The following FNDC3A variants were observed in gnomAD, a reference collection of about 807,000 sequenced individuals.
FNDC3A encodes the protein fibronectin type-III domain-containing protein 3A.
A neutral mutation model predicts 148.9 loss-of-function variants in FNDC3A; 32 were observed. The ratio of observed to expected loss-of-function variants is 0.21; its 90% CI spans 0.16 to 0.29. The LOEUF (loss-of-function observed/expected upper bound fraction) is 0.29. FNDC3A is among the 10% of genes least tolerant of loss of function. The pLI is 1.00. For synonymous variants in FNDC3A, 472 were observed against 473.6 expected (o/e 1.00, Z 0.04); for missense variants, 1,191 against 1,452.8 (o/e 0.82, Z 2.93).
chr13:49,118,474 T>C, intron 4 of FNDC3A, among the ~76,000 whole-genome samples: 1 of 152,142 alleles, frequency 6.6e-6, no homozygotes, highest in East Asian at 1.9e-4. Context: ...TTTTTCATAT[T>C]CCAGTGGCTC....
intron 13 of FNDC3A, among the ~76,000 whole-genome samples, chr13:49,177,720 A>G (rs967612806): frequency 1.3e-5 from 2 of 152,232 alleles, no homozygotes; most frequent in African/African-American, 2.4e-5. Flanking sequence ...GTACCAGTAT[A>G]TGCCACAACC....
chr13:49,201,877 G>GT lies in FNDC3A; in HGVS notation c.3066dup (p.Ile1023TyrfsTer5). The stretch of plus-strand genomic sequence containing the variant: ...AATGAGTCAACATCCTATAAATTCT[G>GT]TATTCAAGCTTGTAATGAAGCTGGG... On this transcript the variant is annotated frameshift_variant, in exon 24 of 26. Coordinates refer to ENST00000492622, the MANE Select transcript of FNDC3A (RefSeq NM_001079673.2). LOFTEE classifies it high-confidence loss of function. 1 of 1,594,016 alleles carries GT rather than the reference G, an allele frequency of 6.3e-7. No individual in the cohort carries two copies. The highest frequency in any genetic ancestry group is 1.7e-5 in the Admixed American group (1 of 58,054).
intron 2 of FNDC3A, among the ~76,000 whole-genome samples, chr13:49,051,659 ATCT>A (rs1453497821): frequency 1.3e-5 from 2 of 152,118 alleles, no homozygotes; most frequent in Non-Finnish European, 2.9e-5. Context: ...TTAGACGATA[ATCT>A]TTTTGTGATG....
At chr13:49,145,367 A>G (rs1213413278) in intron 7 of FNDC3A, among the ~76,000 whole-genome samples, 1 of 152,124 alleles carries the variant, frequency 6.6e-6, no homozygotes, top group Non-Finnish European at 1.5e-5. Flanking sequence ...ACATCATTTT[A>G]TATGTTGTCC....
intron 3 of FNDC3A, among the ~76,000 whole-genome samples, chr13:49,084,821 T>C (rs1014364066): frequency 6.6e-6 from 1 of 152,122 alleles, no homozygotes; most frequent in Non-Finnish European, 1.5e-5. Flanking sequence ...TTATTGATGT[T>C]TTCTCCTCGT....
At chr13:48,977,128 G>A (rs1951618241) in intron 1 of FNDC3A, among the ~76,000 whole-genome samples, 1 of 152,078 alleles carries the variant, frequency 6.6e-6, no homozygotes, top group Non-Finnish European at 1.5e-5. Flanking sequence ...AAGTTCCTTT[G>A]GACACCTTTG....
intron 2 of FNDC3A, among the ~76,000 whole-genome samples, chr13:49,057,633 A>G (rs944963035): frequency 2.0e-5 from 3 of 152,190 alleles, no homozygotes; most frequent in African/African-American, 4.8e-5. Context: ...GCACACTAAC[A>G]TGTTCTAATA....
intron 3 of FNDC3A, among the ~76,000 whole-genome samples, chr13:49,086,997 G>A (rs1259372812): frequency 6.6e-6 from 1 of 152,026 alleles, no homozygotes; most frequent in Non-Finnish European, 1.5e-5. Flanking sequence ...GTCCCAGAGA[G>A]CTATTAAATG....
intron 2 of FNDC3A, among the ~76,000 whole-genome samples, chr13:49,052,856 A>G (rs1311976438): frequency 6.6e-6 from 1 of 152,112 alleles, no homozygotes; most frequent in Non-Finnish European, 1.5e-5. Flanking sequence ...AGGGATAGGT[A>G]TGTCCGAGCT....
At chr13:49,144,083 C>G (rs1195605521) in intron 7 of FNDC3A, among the ~76,000 whole-genome samples, 1 of 151,492 alleles carries the variant, frequency 6.6e-6, no homozygotes, top group African/African-American at 2.4e-5. Flanking sequence ...TTTTGACTGA[C>G]CCACCTTCAT....
intron 4 of FNDC3A, among the ~76,000 whole-genome samples, chr13:49,127,934 T>C (rs1881799140): frequency 6.6e-6 from 1 of 151,990 alleles, no homozygotes; most frequent in Non-Finnish European, 1.5e-5. Context: ...CAGGCTGGAG[T>C]GCAGCAGCAC....
At chr13:49,153,011 TA>T (rs1297570832) in intron 8 of FNDC3A, among the ~76,000 whole-genome samples, 26 of 151,140 alleles carry the variant, frequency 1.7e-4, no homozygotes, top group Admixed American at 1.6e-3. Context: ...CAGCATGATT[TA>T]TAGTCCTTTG....
At chr13:49,114,875 ATT>A (rs1205554095) in intron 4 of FNDC3A, 144 bp downstream of exon 4, 1 of 655,294 alleles carries the variant, frequency 1.5e-6, no homozygotes, top group Non-Finnish European at 2.7e-6. Flanking sequence ...TATTTCAAGT[ATT>A]TTAGTACATT....
chr13:49,063,570 G>T (rs1419126462), intron 2 of FNDC3A, among the ~76,000 whole-genome samples: 1 of 152,062 alleles, frequency 6.6e-6, no homozygotes, highest in East Asian at 1.9e-4. Context: ...TTGTTTCCAA[G>T]AAATTACATT....
intron 1 of FNDC3A, among the ~76,000 whole-genome samples, chr13:48,984,059 T>C (rs528662171): frequency 1.7e-3 from 260 of 152,230 alleles, no homozygotes; most frequent in African/African-American, 6.1e-3. Context: ...AGTTAGAAAA[T>C]TCATTAGCCT....
chr13:49,151,573 TG>T (rs1169507228), intron 8 of FNDC3A, among the ~76,000 whole-genome samples: 2 of 152,166 alleles, frequency 1.3e-5, no homozygotes, highest in East Asian at 1.9e-4. Context: ...TGTTTCTTTT[TG>T]TTTTTTTTAT....
chr13:49,110,228 C>G, intron 3 of FNDC3A: 1 of 749,056 alleles, frequency 1.3e-6, no homozygotes, highest in Non-Finnish European at 2.0e-6. Context: ...CTTGCCCTTT[C>G]CTGGGTCACT....
chr13:49,072,116 C>T (rs1877734586), intron 2 of FNDC3A, among the ~76,000 whole-genome samples: 1 of 152,008 alleles, frequency 6.6e-6, no homozygotes, highest in South Asian at 2.1e-4. Flanking sequence ...TAGTATTTTC[C>T]CAATGTTTTT....
At chr13:49,018,075 G>A (rs1196088765) in intron 2 of FNDC3A, among the ~76,000 whole-genome samples, 2 of 151,308 alleles carry the variant, frequency 1.3e-5, no homozygotes, top group African/African-American at 2.4e-5. Context: ...TGACAATTAT[G>A]TGTCTTGGAG....
Sources: allele counts gnomAD v4.1 joint callset (sites outside exome capture counted in the v4.1 genomes callset), GRCh38; gene constraint gnomAD v4.1.1; transcripts MANE v1.5; gene names NCBI Gene and HGNC (gene_info 2026-07-23, HGNC 2026-07-21).